The following HOXA10 variants were observed in gnomAD, a reference collection of about 807,000 sequenced individuals.
HOXA10 encodes the protein homeobox protein Hox-A10.
Under a neutral mutation model 29.7 loss-of-function variants are expected in HOXA10, and 12 were observed. The ratio of observed to expected loss-of-function variants is 0.40; its 90% CI spans 0.26 to 0.65. The LOEUF (loss-of-function observed/expected upper bound fraction) is 0.65, where lower values mean the gene tolerates loss of function less well. Among genes scored for constraint, HOXA10 ranks in the 30% least tolerant of loss-of-function variants. The pLI, the probability that HOXA10 is intolerant of heterozygous loss-of-function variation, is 0.37. For synonymous variants in HOXA10, 327 were observed against 280.7 expected (o/e 1.16, Z -1.65); for missense variants, 656 against 585.9 (o/e 1.12, Z -1.24).
In HOXA10 at chr7:27,173,556, C is replaced by G; in HGVS notation, c.751G>C (p.Asp251His). 1 of 1,458,122 alleles carries G rather than the reference C, an allele frequency of 6.9e-7. No individual in the cohort carries two copies. Among genetic ancestry groups the G allele is most frequent in the East Asian group, 2.8e-5 (1 of 35,384 alleles). 90.3% of individuals were successfully genotyped at this position (1,458,122 alleles called of 1,614,324 possible). A position where few individuals can be genotyped will look rare whatever the true frequency, so the allele number is the denominator to read the frequency against. Residue 251 changes from aspartate to histidine, a missense_variant, in exon 1 of 2, where the codon GAT becomes CAT. This residue lies in a region of HOXA10 where 594 missense variants were observed against 491.9 expected (regional missense o/e 1.21). Transcript: ENST00000283921. Reference sequence around the variant, plus strand: ...CCGGAGGCTAGCGCGGGCGGGAGATCGAAACCGCGCCCCGGGGGCTGCGCG... The same window carrying G: ...CCGGAGGCTAGCGCGGGCGGGAGATGGAAACCGCGCCCCGGGGGCTGCGCG... Reference protein sequence around the residue: ...FPAQPPGRGFDLPPALASGSA... With the variant: ...FPAQPPGRGFHLPPALASGSA...
intron 1 of HOXA10, 117 bp downstream of exon 1, chr7:27,173,232 C>T: frequency 1.3e-6 from 2 of 1,509,036 alleles, no homozygotes; most frequent in East Asian, 2.4e-5. Flanking sequence ...GTCAGCCTGC[C>T]TGCAGCTTGG....
At chr7:27,173,316 C>G in intron 1 of HOXA10, 33 bp downstream of exon 1, 1 of 1,610,236 alleles carries the variant, frequency 6.2e-7, no homozygotes, top group Non-Finnish European at 8.5e-7. Flanking sequence ...CCTGTCTGCC[C>G]GCCTGACTGC....
Position 27,173,638 on chromosome 7 carries a change from G to T in HOXA10, c.669C>A (p.Ala223=). 3 of 1,544,934 alleles carry T rather than the reference G, an allele frequency of 1.9e-6. No homozygotes were observed. Among genetic ancestry groups the T allele is most frequent in the Non-Finnish European group, 1.7e-6 (2 of 1,144,840 alleles). Residue 223 remains alanine, a synonymous_variant, in exon 1 of 2, where the codon GCC becomes GCA. Coordinates refer to ENST00000283921, the MANE Select transcript of HOXA10 (RefSeq NM_018951.4). The part of the protein sequence containing the change: ...YFRLSQAYGT[A]KGYGSGGGGA... The stretch of plus-strand genomic sequence containing the variant: ...CGCCGCCGCCGCTGCCATAGCCCTT[G>T]GCGGTGCCGTAGGCCTGAGAAAGGC...
At chr7:27,179,359 G>T (rs1178900608) in intron 1 of HOXA10, among the ~76,000 whole-genome samples, 1 of 149,942 alleles carries the variant, frequency 6.7e-6, no homozygotes, top group Admixed American at 6.7e-5. Context: ...AGCACAGCTG[G>T]AACACTTTCG....
Position 27,171,574 on chromosome 7 carries a change from G to A in HOXA10, c.*325C>T, listed in dbSNP as rs544635763. 2.0e-6 allele frequency: 1 copy of A among 503,256 alleles called. No homozygotes were observed. Among genetic ancestry groups the A allele is most frequent in the Non-Finnish European group, 3.9e-6 (1 of 259,578 alleles). The allele number at this position is 503,256 out of a possible 1,614,324, so 31.2% of individuals were successfully genotyped here. ...GGAAACCAGCTCGGCCGAAGACAGG[G>A]GCCATTTCGAGCAGTGGGACCCCAA... On this transcript the variant is annotated 3_prime_UTR_variant, in exon 2 of 2. Coordinates refer to ENST00000283921, the MANE Select transcript of HOXA10 (RefSeq NM_018951.4).
chr7:27,172,015 C>T lies in HOXA10; in HGVS notation c.1117G>A (p.Val373Ile), dbSNP rs764676230. Residue 373 changes from valine to isoleucine, a missense_variant, in exon 2 of 2, where the codon GTC becomes ATC. Val to Ile is a conservative substitution (Grantham distance 29). This residue lies in a region of HOXA10 where 62 missense variants were observed against 94.0 expected (regional missense o/e 0.66). Transcript: ENST00000283921. ...RERRLEISRS[V>I]HLTDRQVKIW... ...TTCACTTGTCTGTCCGTGAGGTGGA[C>T]GCTGCGGCTAATCTCTAGGCGCCGC... 53 of 1,614,048 alleles carry T rather than the reference C, an allele frequency of 3.3e-5. No homozygotes were observed. In the Admixed American group the frequency reaches 7.8e-4, roughly 24 times the overall value.
In HOXA10 at chr7:27,173,428, G is replaced by A. The variant is rs775695480; in HGVS notation, c.879C>T (p.His293=). The change falls in exon 1 of 2, where the codon CAC becomes CAT. Residue 293 remains histidine (H), a synonymous_variant. Coordinates refer to ENST00000283921, the MANE Select transcript of HOXA10 (RefSeq NM_018951.4). ...GCTCCTCCGCGGCCGAGGACGACGC[G>A]TGCGCCTCCTCGTCGCCCTGCGAGC... ...GGGSQGDEEA[H]ASSSAAEELS... The A allele has an allele frequency of 2.5e-6, 4 of 1,602,354 alleles. No individual in the cohort carries two copies. Among genetic ancestry groups the A allele is most frequent in the Non-Finnish European group, 3.4e-6 (4 of 1,176,672 alleles).
chr7:27,174,491 G>A (rs1188073556), upstream of HOXA10, among the ~76,000 whole-genome samples: 1 of 152,208 alleles, frequency 6.6e-6, no homozygotes, highest in East Asian at 1.9e-4. Flanking sequence ...GTATTGATGG[G>A]CCAGGAGACG....
At position 27,171,113 on chromosome 7, in the gene HOXA10, T is replaced by C. The variant is rs116681061; in HGVS notation, c.*786A>G. ...AAATGCATAAACAAAACTACATTATTTATCTACAGCCAGAAGGATATGGAA... is the reference window on the plus strand; with the variant it reads ...AAATGCATAAACAAAACTACATTATCTATCTACAGCCAGAAGGATATGGAA... On this transcript the variant is annotated 3_prime_UTR_variant, in exon 2 of 2. Transcript: ENST00000283921. The C allele has an allele frequency of 8.0e-3, 3,605 of 451,246 alleles. 103 individuals are homozygous for C. The highest frequency in any genetic ancestry group is 0.065 in the African/African-American group (3,249 of 49,838). The allele number at this position is 451,246 out of a possible 1,614,324, so 28.0% of individuals were successfully genotyped here.
chr7:27,177,580 G>C (rs1410854629), upstream of HOXA10, among the ~76,000 whole-genome samples: 1 of 152,086 alleles, frequency 6.6e-6, no homozygotes, highest in African/African-American at 2.4e-5. Flanking sequence ...GACCCCCAAG[G>C]CTCCCATGCT....
intron 1 of HOXA10, 48 bp from the exon 2 acceptor site, chr7:27,172,221 G>A (rs1436272539): frequency 2.5e-6 from 4 of 1,596,586 alleles, no homozygotes; most frequent in Non-Finnish European, 3.4e-6. Flanking sequence ...GAGGCCACAC[G>A]GGCTGCCCGC....
At chr7:27,173,303 C>T (rs755461740) in intron 1 of HOXA10, 46 bp downstream of exon 1, 2 of 1,608,514 alleles carry the variant, frequency 1.2e-6, no homozygotes, top group Non-Finnish European at 1.7e-6. Flanking sequence ...CTCCTTGTGT[C>T]TGCCTGTCTG....
At chr7:27,178,094 G>A (rs1311267511), upstream of HOXA10, among the ~76,000 whole-genome samples, 1 of 152,202 alleles carries the variant, frequency 6.6e-6, no homozygotes, top group African/African-American at 2.4e-5. Flanking sequence ...AAAGATACCA[G>A]GTCCTGAGAT....
chr7:27,170,773 T>A lies in HOXA10; in HGVS notation c.*1126A>T, dbSNP rs1367099977. 1 of 450,788 alleles carries A rather than the reference T, an allele frequency of 2.2e-6. No homozygotes were observed. Among genetic ancestry groups the A allele is most frequent in the African/African-American group, 2.0e-5 (1 of 49,688 alleles). The allele number at this position is 450,788 out of a possible 1,614,324, so 27.9% of individuals were successfully genotyped here. On this transcript the variant is annotated 3_prime_UTR_variant, in exon 2 of 2. Transcript: ENST00000283921. ...TGCTTAAAACAAGATTGGCAATTCTTCATAATAATAGACATTTATACAGAT... is the reference window on the plus strand; with the variant it reads ...TGCTTAAAACAAGATTGGCAATTCTACATAATAATAGACATTTATACAGAT...
chr7:27,173,247 A>AGGCC, intron 1 of HOXA10, 102 bp downstream of exon 1: 1 of 1,552,794 alleles, frequency 6.4e-7, no homozygotes, highest in Non-Finnish European at 8.7e-7. Flanking sequence ...GCTTGGGCCA[A>AGGCC]GGCCGGCCGG....
Position 27,173,613 on chromosome 7 carries a change from C to T in HOXA10, c.694G>A (p.Gly232Ser). The T allele has an allele frequency of 6.5e-7, 1 of 1,533,014 alleles. No homozygotes were observed. The highest frequency in any genetic ancestry group is 8.8e-7 in the Non-Finnish European group (1 of 1,141,054). 95.0% of individuals were successfully genotyped at this position (1,533,014 alleles called of 1,614,324 possible). A position where few individuals can be genotyped will look rare whatever the true frequency, so the allele number is the denominator to read the frequency against. ...GGGCCAGCCCCGAGTTGCTGCGCGC[C>T]GCCGCCGCCGCTGCCATAGCCCTTG... The part of the protein sequence containing the change: ...TAKGYGSGGG[G>S]AQQLGAGPFP... Residue 232 changes from glycine (G) to serine (S), a missense_variant, in exon 1 of 2, where the codon GGC becomes AGC. Transcript: ENST00000283921.
chr7:27,176,664 C>G (rs1227421056), upstream of HOXA10, among the ~76,000 whole-genome samples: 1 of 152,210 alleles, frequency 6.6e-6, no homozygotes, highest in African/African-American at 2.4e-5. Flanking sequence ...GGTCAGTGGG[C>G]CAGGACCTGG....
Position 27,174,120 on chromosome 7 carries a change from C to A in HOXA10, c.187G>T (p.Val63Phe), listed in dbSNP as rs756665289. 1 of 1,587,094 alleles carries A rather than the reference C, an allele frequency of 6.3e-7. No homozygotes were observed. The highest frequency in any genetic ancestry group is 1.1e-5 in the South Asian group (1 of 90,486). Residue 63 changes from valine to phenylalanine, a missense_variant, in exon 1 of 2, where the codon GTC becomes TTC. Val to Phe is a conservative substitution (Grantham distance 50). Around this residue, in one of 2 missense-constraint regions of HOXA10, gnomAD observed 594 missense variants for 491.9 expected, o/e 1.21. Coordinates refer to ENST00000283921, the MANE Select transcript of HOXA10 (RefSeq NM_018951.4). Reference protein sequence around the residue: ...GGGGYYAHGGVYLPPAADLPY... With the variant: ...GGGGYYAHGGFYLPPAADLPY... ...AGGTCGGCGGCGGGCGGCAGGTAGA[C>A]CCCGCCGTGGGCGTAGTAACCGCCA... is the stretch of plus-strand genomic sequence containing the variant.
Position 27,173,323 on chromosome 7 carries a change from C to G in HOXA10, c.958+26G>C, listed in dbSNP as rs1016388016. ...TGTGTCTGCCTGTCTGCCCGCCTGA[C>G]TGCAGCCCTCTGCAGCCCTGCTTAC... On this transcript the variant is annotated intron_variant, in intron 1 of 1. Transcript: ENST00000283921. The G allele has an allele frequency of 3.1e-6, 5 of 1,611,060 alleles. No individual in the cohort carries two copies. The African/African-American group carries it at 5.3e-5, about 17-fold the overall frequency.
Sources: gnomAD v4.1 joint callset for allele counts (sites outside exome capture counted in the v4.1 genomes callset) on GRCh38, gnomAD v4.1.1 for gene constraint, gnomAD v4.1.1 regional missense constraint, MANE v1.5 for transcripts, NCBI Gene and HGNC (gene_info 2026-07-23, HGNC 2026-07-21) for gene names.